SIPA1L3: variants seen among roughly 807,000 people sequenced by gnomAD.
SIPA1L3 encodes the protein signal-induced proliferation-associated 1-like protein 3.
In SIPA1L3, 59 loss-of-function variants were observed where a neutral mutation model predicts 150.1. The ratio of observed to expected loss-of-function variants is 0.39; its 90% CI spans 0.32 to 0.49. The LOEUF is 0.49. Ranked by LOEUF, SIPA1L3 falls within the 20% of genes least tolerant of loss-of-function variation. The pLI is 0.86. For synonymous variants in SIPA1L3, 1,070 were observed against 1,077.6 expected, an observed-to-expected ratio of 0.99 and a Z score of 0.14; for missense variants, 2,211 against 2,489.5, an observed-to-expected ratio of 0.89 and a Z score of 2.38.
At chr19:38,030,613 ATATGTGG>A (rs1247573480) in intron 2 of SIPA1L3, among the ~76,000 whole-genome samples, 2 of 17,260 alleles carry the variant, frequency 1.2e-4, no homozygotes, top group Non-Finnish European at 3.2e-4. Flanking sequence ...TTATATATAT[ATATGTGG>A]CAAATATATA....
intron 1 of SIPA1L3, among the ~76,000 whole-genome samples, chr19:37,979,628 G>T (rs984307290): frequency 2.0e-5 from 3 of 151,968 alleles, no homozygotes; most frequent in South Asian, 2.1e-4. Context: ...CCATTTGGTT[G>T]TGTATTGTCT....
At chr19:38,033,298 G>A (rs966243364) in intron 2 of SIPA1L3, among the ~76,000 whole-genome samples, 10 of 152,176 alleles carry the variant, frequency 6.6e-5, no homozygotes, top group Admixed American at 6.5e-5. Context: ...TGTTTTCATT[G>A]TGTTTATTTT....
intron 1 of SIPA1L3, among the ~76,000 whole-genome samples, chr19:37,996,172 C>T (rs1406223178): frequency 6.6e-6 from 1 of 152,168 alleles, no homozygotes; most frequent in Admixed American, 6.5e-5. Context: ...AAGTGATCCT[C>T]CTGCCTTGGC....
intron 1 of SIPA1L3, among the ~76,000 whole-genome samples, chr19:38,026,534 GCTGA>G (rs1968514023): frequency 6.6e-6 from 1 of 152,160 alleles, no homozygotes; most frequent in Non-Finnish European, 1.5e-5. Flanking sequence ...GGTTCAAGGG[GCTGA>G]CTGAGGAAGA....
chr19:37,987,718 C>T (rs1248199011), intron 1 of SIPA1L3, among the ~76,000 whole-genome samples: 5 of 152,214 alleles, frequency 3.3e-5, no homozygotes, highest in Non-Finnish European at 5.9e-5. Flanking sequence ...CCCACAGTAG[C>T]AGTCATGGCC....
At chr19:38,074,838 C>T (rs1395601163) in intron 2 of SIPA1L3, among the ~76,000 whole-genome samples, 1 of 152,166 alleles carries the variant, frequency 6.6e-6, no homozygotes, top group Non-Finnish European at 1.5e-5. Flanking sequence ...AATCACAGCC[C>T]ACTGCAGCCT....
chr19:38,024,661 C>T (rs572111109), intron 1 of SIPA1L3, among the ~76,000 whole-genome samples: 42 of 152,276 alleles, frequency 2.8e-4, no homozygotes, highest in East Asian at 7.7e-4. Flanking sequence ...TTAGTTCCTA[C>T]GGACAGGGGC....
chr19:37,947,215 C>T (rs2046719701), intron 1 of SIPA1L3, among the ~76,000 whole-genome samples: 1 of 151,634 alleles, frequency 6.6e-6, no homozygotes, highest in Admixed American at 6.6e-5. Context: ...TCCGTCCAGG[C>T]ATGGCGGCCC....
At chr19:38,043,925 T>A (rs1368121514) in intron 2 of SIPA1L3, among the ~76,000 whole-genome samples, 1 of 152,148 alleles carries the variant, frequency 6.6e-6, no homozygotes, top group Non-Finnish European at 1.5e-5. Context: ...ATAGAGTCCC[T>A]CTGGCTGTGT....
chr19:38,091,263 G>A (rs970900586), intron 4 of SIPA1L3, among the ~76,000 whole-genome samples: 1 of 152,130 alleles, frequency 6.6e-6, no homozygotes, highest in African/African-American at 2.4e-5. Flanking sequence ...GTGCACACTT[G>A]TAGTCTTAGC....
rs1969999121 is a variant in SIPA1L3 at position 38,082,071 on chromosome 19, G to A, written c.506G>A (p.Arg169His). ...AGGGCCTTCCTCCCCCTTCGGCACC[G>A]CAGCAGCAGCGAGATCACCCTCAGC... is the stretch of plus-strand genomic sequence containing the variant. ...PGRAFLPLRH[R>H]SSSEITLSEC... The change falls in exon 3 of 22, where the codon CGC (arginine) becomes CAC (histidine). Residue 169 changes from arginine (R) to histidine (H), a missense_variant. Around this residue, in one of 5 missense-constraint regions of SIPA1L3, gnomAD observed 587 missense variants for 534.5 expected, o/e 1.10. Coordinates refer to ENST00000222345, the MANE Select transcript of SIPA1L3 (RefSeq NM_015073.3). 2 of 1,612,360 alleles carry A rather than the reference G, an allele frequency of 1.2e-6. No homozygotes were observed. Among genetic ancestry groups the A allele is most frequent in the Non-Finnish European group, 1.7e-6 (2 of 1,179,916 alleles).
At chr19:38,146,329 T>G (rs970616182) in intron 12 of SIPA1L3, among the ~76,000 whole-genome samples, 10 of 152,206 alleles carry the variant, frequency 6.6e-5, no homozygotes, top group African/African-American at 2.4e-4. Flanking sequence ...GTGGTCTAGA[T>G]ATACCACAGT....
chr19:38,070,980 T>C (rs1427902349), intron 2 of SIPA1L3, among the ~76,000 whole-genome samples: 4 of 152,150 alleles, frequency 2.6e-5, no homozygotes, highest in African/African-American at 9.7e-5. Flanking sequence ...GGGGTCCCTC[T>C]ACCTCTAAGC....
intron 1 of SIPA1L3, among the ~76,000 whole-genome samples, chr19:38,028,091 G>A (rs752957324): frequency 5.9e-5 from 9 of 152,074 alleles, no homozygotes; most frequent in Non-Finnish European, 8.8e-5. Flanking sequence ...CTCTGCCGGT[G>A]CCCAGAATGT....
rs183456839 is a variant in SIPA1L3 at position 38,065,976 on chromosome 19, G to A, written c.-310-15280G>A. On this transcript the variant is annotated intron_variant, in intron 2 of 21. Coordinates refer to ENST00000222345, the MANE Select transcript of SIPA1L3 (RefSeq NM_015073.3). The stretch of plus-strand genomic sequence containing the variant: ...GAGGCAACGTCTTGCTCTGTTGCCC[G>A]GGCTTGATCTCTTATTTATTTATTT... Among the ~76,000 whole-genome samples the A allele has an allele frequency of 7.1e-4, 91 of 128,004 alleles. 2 individuals carry two copies. The East Asian group carries it at 0.015, about 21-fold the overall frequency. 84.0% of individuals were successfully genotyped at this position (128,004 alleles called of 152,430 possible).
rs565216225 is a variant in SIPA1L3 at position 37,908,277 on chromosome 19, A to T, written c.-379+919A>T. On this transcript the variant is annotated intron_variant, in intron 1 of 21. Transcript: ENST00000222345. ...TCAGGTTCCTCATTTACAAAATGGGATAATAACAAGATCACTCTCAAAGGG... is the reference window on the plus strand; with the variant it reads ...TCAGGTTCCTCATTTACAAAATGGGTTAATAACAAGATCACTCTCAAAGGG... 3.9e-5 allele frequency among the ~76,000 whole-genome samples: 6 copies of T among 152,290 alleles called. No homozygotes were observed. The East Asian group carries it at 9.7e-4, about 24-fold the overall frequency.
chr19:37,925,649 A>G (rs978411174), intron 1 of SIPA1L3, among the ~76,000 whole-genome samples: 20 of 136,432 alleles, frequency 1.5e-4, no homozygotes, highest in African/African-American at 5.3e-4. Flanking sequence ...GCTGGAGTGC[A>G]ATGGCCCAAT....
Position 37,970,039 on chromosome 19 carries a change from T to C in SIPA1L3, c.-378-59050T>C, listed in dbSNP as rs866434058. On this transcript the variant is annotated intron_variant, in intron 1 of 21. Coordinates refer to ENST00000222345, the MANE Select transcript of SIPA1L3 (RefSeq NM_015073.3). Reference sequence around the variant, plus strand: ...CATTGCATCCCCAGTACATACTAGGTGTGCAAAACAAAACAAAAAACCTTT... The same window carrying C: ...CATTGCATCCCCAGTACATACTAGGCGTGCAAAACAAAACAAAAAACCTTT... Among the ~76,000 whole-genome samples the C allele has an allele frequency of 5.9e-5, 9 of 152,322 alleles. 1 individual carries two copies. The South Asian group carries it at 1.7e-3, about 28-fold the overall frequency.
At chr19:38,202,079 C>T in intron 20 of SIPA1L3, 82 bp downstream of exon 20, 2 of 1,402,688 alleles carry the variant, frequency 1.4e-6, no homozygotes, top group Non-Finnish European at 1.9e-6. Context: ...GAGAGGCAGC[C>T]ATGTGGGTCA....
Sources: gnomAD v4.1 joint callset for allele counts (sites outside exome capture counted in the v4.1 genomes callset) on GRCh38, gnomAD v4.1.1 for gene constraint, gnomAD v4.1.1 regional missense constraint, MANE v1.5 for transcripts, NCBI Gene and HGNC (gene_info 2026-07-23, HGNC 2026-07-21) for gene names.